HHIPL1: variants seen among roughly 807,000 people sequenced by gnomAD.
HHIPL1 encodes HHIP-like protein 1.
HHIPL1 carries 43 observed loss-of-function variants against 61.8 expected under a neutral mutation model. The ratio of observed to expected loss-of-function variants is 0.70; its 90% CI spans 0.55 to 0.90. The LOEUF is 0.90. Among genes scored for constraint, HHIPL1 ranks in the 40% least tolerant of loss-of-function variants. HHIPL1 has a pLI of 0.00. For synonymous variants in HHIPL1, 482 were observed against 515.8 expected, an observed-to-expected ratio of 0.93 and a Z score of 0.89; for missense variants, 1,056 against 1,157.7, an observed-to-expected ratio of 0.91 and a Z score of 1.28.
the HHIPL1 span, among the ~76,000 whole-genome samples, chr14:99,621,349 G>A: frequency 3.3e-5 from 5 of 152,128 alleles, no homozygotes; most frequent in South Asian, 2.1e-4. Context: ...ATAGTTCATC[G>A]CAGGCACAGA....
chr14:99,617,890 G>A, the HHIPL1 span, among the ~76,000 whole-genome samples: 1 of 152,188 alleles, frequency 6.6e-6, no homozygotes, highest in African/African-American at 2.4e-5. Flanking sequence ...AGGGATGACT[G>A]TGCCCATTTT....
At chr14:99,629,212 A>T in the HHIPL1 span, among the ~76,000 whole-genome samples, 1 of 152,178 alleles carries the variant, frequency 6.6e-6, no homozygotes, top group African/African-American at 2.4e-5. Context: ...ACCTGTGCAC[A>T]CCTCCAGGGG....
At chr14:99,656,766 C>A (rs2056033999) in intron 2 of HHIPL1, among the ~76,000 whole-genome samples, 2 of 76,232 alleles carry the variant, frequency 2.6e-5, no homozygotes, top group African/African-American at 4.8e-5. Flanking sequence ...CAGAGCAACA[C>A]TCTGTCTGCA....
chr14:99,605,965 C>T, the HHIPL1 span, among the ~76,000 whole-genome samples: 1 of 151,710 alleles, frequency 6.6e-6, no homozygotes, highest in Non-Finnish European at 1.5e-5. Flanking sequence ...TCCAAGACAG[C>T]TGGGGAGGCA....
the HHIPL1 span, among the ~76,000 whole-genome samples, chr14:99,640,039 G>A: frequency 6.6e-6 from 1 of 152,144 alleles, no homozygotes; most frequent in African/African-American, 2.4e-5. Flanking sequence ...TAAAGTGATT[G>A]TTGATAGAGA....
At chr14:99,610,468 A>G in the HHIPL1 span, among the ~76,000 whole-genome samples, 95 of 152,212 alleles carry the variant, frequency 6.2e-4, no homozygotes, top group Non-Finnish European at 5.7e-4. Flanking sequence ...CCCTTATAAG[A>G]TAGTGTTTAG....
chr14:99,619,388 G>A, the HHIPL1 span, among the ~76,000 whole-genome samples: 1 of 151,672 alleles, frequency 6.6e-6, no homozygotes, highest in East Asian at 1.9e-4. Flanking sequence ...CTTGAACCCG[G>A]GAGGCAGAGG....
chr14:99,612,602 A>G, the HHIPL1 span, among the ~76,000 whole-genome samples: 1 of 152,146 alleles, frequency 6.6e-6, no homozygotes, highest in South Asian at 2.1e-4. Flanking sequence ...CCCCAGACAC[A>G]TGGTCTTTCT....
chr14:99,612,659 G>C, the HHIPL1 span, among the ~76,000 whole-genome samples: 2 of 152,184 alleles, frequency 1.3e-5, no homozygotes. Flanking sequence ...ACTGTGCTGG[G>C]AGTGGTGAGG....
chr14:99,679,566 T>G lies in HHIPL1; in HGVS notation c.*3940T>G, dbSNP rs1021372435. 6.6e-6 allele frequency: 1 copy of G among 152,224 alleles called. No individual in the cohort carries two copies. Among genetic ancestry groups the G allele is most frequent in the Non-Finnish European group, 1.5e-5 (1 of 68,036 alleles). 9.4% of individuals were successfully genotyped at this position (152,224 alleles called of 1,614,324 possible). A position where few individuals can be genotyped will look rare whatever the true frequency, so the allele number is the denominator to read the frequency against. On this transcript the variant is annotated 3_prime_UTR_variant, in exon 9 of 9. Transcript: ENST00000330710. ...CCTAGACTGAGCCTAGGGGTCACCA[T>G]GTTGATACCTTAGAAATGTTTGGGA...
chr14:99,645,492 C>T, intron 1 of HHIPL1, 30 bp downstream of exon 1: 1 of 1,260,176 alleles, frequency 7.9e-7, no homozygotes, highest in East Asian at 3.3e-5. Flanking sequence ...CCGGGCGGGG[C>T]GGGGCGCGGG....
the HHIPL1 span, among the ~76,000 whole-genome samples, chr14:99,638,267 C>T: frequency 6.6e-6 from 1 of 152,162 alleles, no homozygotes; most frequent in Non-Finnish European, 1.5e-5. Flanking sequence ...CTAAGAGTGG[C>T]GGAGGAGGCC....
At chr14:99,640,736 G>A (rs1329533247), upstream of HHIPL1, among the ~76,000 whole-genome samples, 1 of 152,000 alleles carries the variant, frequency 6.6e-6, no homozygotes, top group Admixed American at 6.6e-5. Context: ...ACTTATAACA[G>A]AATTTCCAGT....
chr14:99,608,209 G>C, the HHIPL1 span, among the ~76,000 whole-genome samples: 1 of 151,950 alleles, frequency 6.6e-6, no homozygotes, highest in Non-Finnish European at 1.5e-5. Context: ...AAGAGGTTGA[G>C]CGATGGAGCT....
the HHIPL1 span, among the ~76,000 whole-genome samples, chr14:99,635,510 G>C: frequency 3.3e-5 from 5 of 152,154 alleles, no homozygotes; most frequent in Admixed American, 3.3e-4. Flanking sequence ...TTTCCTCCCT[G>C]GGCCTCAGTT....
rs1383626402 is a variant in HHIPL1, at chr14:99,675,513, G to C, written c.2236G>C (p.Ala746Pro). ...CATTCTGCTGGACGATGTGCGCTGCGCGGGCTGGGAGCGGAACCTGCTGGA... is the reference window on the plus strand; with the variant it reads ...CATTCTGCTGGACGATGTGCGCTGCCCGGGCTGGGAGCGGAACCTGCTGGA... ...LPILLDDVRCAGWERNLLECQ... is the reference protein window; with the variant it reads ...LPILLDDVRCPGWERNLLECQ... The change falls in exon 9 of 9, where the codon GCG becomes CCG. Residue 746 changes from alanine (A) to proline (P), a missense_variant. Transcript: ENST00000330710. This position sits in a 1 kb window ranked among gnomAD's most constrained non-coding sequence, Gnocchi z 5.4. The C allele has an allele frequency of 2.6e-6, 4 of 1,542,808 alleles. No individual in the cohort carries two copies. In the Admixed American group the frequency reaches 7.8e-5, roughly 30 times the overall value.
Position 99,661,569 on chromosome 14 carries a change from G to A in HHIPL1, c.1502+1163G>A, listed in dbSNP as rs569346443. Among the ~76,000 whole-genome samples, 24 of 152,192 alleles carry A rather than the reference G, an allele frequency of 1.6e-4. 1 individual carries two copies. The East Asian group carries it at 4.3e-3, about 27-fold the overall frequency. On this transcript the variant is annotated intron_variant, in intron 5 of 8. Transcript: ENST00000330710. ...TGCAGCCTCCACCTCCCAGGCTCAA[G>A]CAATCCTCCCACCTCAGCCTCCTGA...
At chr14:99,626,258 G>C in the HHIPL1 span, among the ~76,000 whole-genome samples, 16 of 150,950 alleles carry the variant, frequency 1.1e-4, no homozygotes, top group African/African-American at 3.9e-4. Flanking sequence ...GTGTGTGTGG[G>C]TGTAGCGGGG....
chr14:99,619,275 A>G, the HHIPL1 span, among the ~76,000 whole-genome samples: 89 of 152,090 alleles, frequency 5.9e-4, 3 homozygotes, highest in East Asian at 0.017. Flanking sequence ...AGCCTGGCCA[A>G]CATAGTGAAA....
Sources: allele counts gnomAD v4.1 joint callset (sites outside exome capture counted in the v4.1 genomes callset), GRCh38; gene constraint gnomAD v4.1.1; non-coding constraint Gnocchi (gnomAD v3.1); transcripts MANE v1.5; gene names NCBI Gene and HGNC (gene_info 2026-07-23, HGNC 2026-07-21).